The following NEGR1 variants were observed in gnomAD, a reference collection of about 807,000 sequenced individuals.
NEGR1 encodes IgLON family member 4.
A neutral mutation model predicts 40.9 loss-of-function variants in NEGR1; 10 were observed. The observed-to-expected ratio is 0.24, with a 90% CI of 0.15 to 0.42. The LOEUF (loss-of-function observed/expected upper bound fraction) is 0.42, where lower values mean the gene tolerates loss of function less well. Among genes scored for constraint, NEGR1 ranks in the 10% least tolerant of loss-of-function variants. The probability of loss-of-function intolerance (pLI) is 1.00; values close to 1 mark genes in which losing one functional copy is unlikely to be tolerated. For synonymous variants in NEGR1, 185 were observed against 166.8 expected (o/e 1.11, Z -0.84); for missense variants, 352 against 438.9 (o/e 0.80, Z 1.77).
At chr1:71,485,086 G>A (rs1263798518) in intron 6 of NEGR1, among the ~76,000 whole-genome samples, 3 of 151,562 alleles carry the variant, frequency 2.0e-5, no homozygotes. Context: ...TTGTCCCCAA[G>A]CTTGAGGGTA....
intron 3 of NEGR1, among the ~76,000 whole-genome samples, chr1:71,712,422 A>G (rs1654130098): frequency 6.6e-6 from 1 of 152,006 alleles, no homozygotes; most frequent in South Asian, 2.1e-4. Flanking sequence ...GTGAATTACA[A>G]CTCACTTTGC....
At chr1:72,121,238 T>A (rs1382634764) in intron 1 of NEGR1, among the ~76,000 whole-genome samples, 3 of 152,046 alleles carry the variant, frequency 2.0e-5, no homozygotes, top group African/African-American at 4.8e-5. Flanking sequence ...CTATCAAATA[T>A]TTAAACCTCC....
At chr1:71,746,608 C>T (rs1361759869) in intron 3 of NEGR1, among the ~76,000 whole-genome samples, 1 of 151,714 alleles carries the variant, frequency 6.6e-6, no homozygotes, top group Non-Finnish European at 1.5e-5. Flanking sequence ...CTTCCAGCAT[C>T]ACAGCTAAAT....
intron 6 of NEGR1, among the ~76,000 whole-genome samples, chr1:71,499,122 C>A (rs1037494457): frequency 2.0e-4 from 30 of 152,186 alleles, no homozygotes; most frequent in African/African-American, 7.2e-4. Context: ...AGATTTTATT[C>A]TTTTCCATGT....
At chr1:72,206,842 T>G (rs1653419946) in intron 1 of NEGR1, among the ~76,000 whole-genome samples, 1 of 151,774 alleles carries the variant, frequency 6.6e-6, no homozygotes, top group African/African-American at 2.4e-5. Flanking sequence ...TATACCTAAT[T>G]TTATTATAGG....
At chr1:71,816,613 G>T (rs532409335) in intron 2 of NEGR1, among the ~76,000 whole-genome samples, 2 of 151,998 alleles carry the variant, frequency 1.3e-5, no homozygotes, top group South Asian at 4.2e-4. Flanking sequence ...CCTCCCTCTG[G>T]GTCCCTCCCA....
At chr1:71,675,454 T>C (rs182298269) in intron 4 of NEGR1, among the ~76,000 whole-genome samples, 2 of 151,696 alleles carry the variant, frequency 1.3e-5, no homozygotes, top group African/African-American at 2.4e-5. Flanking sequence ...AATATAGATA[T>C]AGATATATGT....
At chr1:72,011,039 A>G (rs144307765) in intron 1 of NEGR1, among the ~76,000 whole-genome samples, 3 of 152,176 alleles carry the variant, frequency 2.0e-5, no homozygotes, top group Non-Finnish European at 2.9e-5. Context: ...TAAAGTAACA[A>G]GAGAAAAATT....
chr1:71,589,522 T>C (rs1649429328), intron 6 of NEGR1, among the ~76,000 whole-genome samples: 1 of 152,128 alleles, frequency 6.6e-6, no homozygotes. Context: ...AGAAATGACC[T>C]AATTTTTTCT....
intron 4 of NEGR1, 116 bp downstream of exon 4, chr1:71,697,892 G>T: frequency 1.1e-6 from 1 of 933,686 alleles, no homozygotes; most frequent in Non-Finnish European, 1.6e-6. Flanking sequence ...GTGTTAGTAG[G>T]TGATTTTTAC....
intron 4 of NEGR1, among the ~76,000 whole-genome samples, chr1:71,640,285 A>G (rs1235577939): frequency 6.6e-6 from 1 of 152,038 alleles, no homozygotes; most frequent in Non-Finnish European, 1.5e-5. Flanking sequence ...TAGTAATGCA[A>G]CTTTTGGCTC....
At chr1:71,902,871 A>G (rs139744189) in intron 2 of NEGR1, among the ~76,000 whole-genome samples, 1 of 152,198 alleles carries the variant, frequency 6.6e-6, no homozygotes, top group African/African-American at 2.4e-5. Context: ...TATAAATCAA[A>G]TTATAAAAAG....
chr1:71,905,135 T>C (rs1570484966), intron 2 of NEGR1, among the ~76,000 whole-genome samples: 2 of 152,164 alleles, frequency 1.3e-5, no homozygotes, highest in African/African-American at 2.4e-5. Context: ...TTGGTTGAGA[T>C]ATCTGGAAAA....
intron 6 of NEGR1, among the ~76,000 whole-genome samples, chr1:71,568,139 G>T (rs914991496): frequency 2.0e-5 from 3 of 152,172 alleles, no homozygotes; most frequent in African/African-American, 7.2e-5. Flanking sequence ...CAAGAGAAAA[G>T]ACTTGTTTAT....
At chr1:71,541,210 G>A (rs1215074498) in intron 6 of NEGR1, among the ~76,000 whole-genome samples, 1 of 151,550 alleles carries the variant, frequency 6.6e-6, no homozygotes, top group African/African-American at 2.4e-5. Flanking sequence ...TTGTAGGAAA[G>A]GTTTTTTTTA....
chr1:72,114,434 G>A (rs1047478365), intron 1 of NEGR1, among the ~76,000 whole-genome samples: 2 of 151,488 alleles, frequency 1.3e-5, no homozygotes, highest in African/African-American at 4.8e-5. Context: ...AAAATAAATC[G>A]TTATCTCTCT....
At chr1:71,774,917 G>A (rs1318575566) in intron 3 of NEGR1, among the ~76,000 whole-genome samples, 1 of 152,138 alleles carries the variant, frequency 6.6e-6, no homozygotes, top group Non-Finnish European at 1.5e-5. Context: ...TTGGGAGGAT[G>A]TGCACTATAG....
chr1:72,055,820 C>G (rs138025615), intron 1 of NEGR1, among the ~76,000 whole-genome samples: 2,036 of 146,446 alleles, frequency 0.014, 28 homozygotes, highest in Non-Finnish European at 0.022. Context: ...ATAATCTGTA[C>G]AACTCATTTA....
At chr1:72,162,770 T>A (rs1651623515) in intron 1 of NEGR1, among the ~76,000 whole-genome samples, 1 of 152,110 alleles carries the variant, frequency 6.6e-6, no homozygotes. Flanking sequence ...ATAAGAACAA[T>A]CATGGTCTTA....
Sources: allele counts gnomAD v4.1 joint callset (sites outside exome capture counted in the v4.1 genomes callset), GRCh38; gene constraint gnomAD v4.1.1; transcripts MANE v1.5; gene names NCBI Gene and HGNC (gene_info 2026-07-23, HGNC 2026-07-21).